Variants in RANBP2 observed in about 807,000 individuals in gnomAD.
RANBP2 encodes the protein E3 SUMO-protein ligase RanBP2.
A neutral mutation model predicts 303.6 loss-of-function variants in RANBP2; 57 were observed. That is an observed-to-expected ratio of 0.19 (90% CI 0.15 to 0.23). RANBP2 has a LOEUF of 0.23. Ranked by LOEUF, RANBP2 falls within the 10% of genes least tolerant of loss-of-function variation. The probability of loss-of-function intolerance (pLI) is 1.00; values close to 1 mark genes in which losing one functional copy is unlikely to be tolerated. For missense variants in RANBP2, 3,138 were observed against 3,780.8 expected, an observed-to-expected ratio of 0.83 and a Z score of 4.46; for synonymous variants, 1,167 against 1,301.5, an observed-to-expected ratio of 0.90 and a Z score of 2.23.
At chr2:109,568,064 G>T in the RANBP2 span, 1 of 1,038,270 alleles carries the variant, frequency 9.6e-7, no homozygotes, top group Non-Finnish European at 1.4e-6. Context: ...TGTTCATTCT[G>T]ACAATGAATT....
At chr2:108,806,807 A>G in the RANBP2 span, among the ~76,000 whole-genome samples, 2 of 152,212 alleles carry the variant, frequency 1.3e-5, no homozygotes, top group Non-Finnish European at 2.9e-5. Flanking sequence ...ACATTTTCTA[A>G]TAATTTAAAA....
the RANBP2 span, among the ~76,000 whole-genome samples, chr2:109,119,662 G>C: frequency 1.3e-5 from 2 of 152,128 alleles, no homozygotes; most frequent in South Asian, 4.1e-4. Context: ...TATTTTCTAA[G>C]ATCTTAAGCC....
At chr2:109,467,819 G>C in the RANBP2 span, among the ~76,000 whole-genome samples, 10 of 152,182 alleles carry the variant, frequency 6.6e-5, no homozygotes, top group African/African-American at 2.4e-4. Context: ...AGGACAGGCT[G>C]CACACGCAGA....
At chr2:108,781,505 G>C in intron 26 of RANBP2, 76 bp downstream of exon 26, 1 of 1,395,328 alleles carries the variant, frequency 7.2e-7, no homozygotes, top group Non-Finnish European at 1.0e-6. Flanking sequence ...TGATCTGTCA[G>C]GGTATAATTG....
At chr2:109,374,023 T>A in the RANBP2 span, among the ~76,000 whole-genome samples, 1 of 152,156 alleles carries the variant, frequency 6.6e-6, no homozygotes, top group Non-Finnish European at 1.5e-5. Context: ...TGTGCCTTCC[T>A]GCAGCATGAC....
the RANBP2 span, among the ~76,000 whole-genome samples, chr2:109,387,867 G>T: frequency 6.6e-6 from 1 of 150,562 alleles, no homozygotes; most frequent in African/African-American, 2.5e-5. Flanking sequence ...TTGGGGGGGG[G>T]GTCTCCTCCC....
chr2:109,350,266 T>C, the RANBP2 span, among the ~76,000 whole-genome samples: 1 of 152,156 alleles, frequency 6.6e-6, no homozygotes, highest in Non-Finnish European at 1.5e-5. Context: ...GAAGGTGACC[T>C]CTTGGTTGAA....
At chr2:109,147,789 G>A in the RANBP2 span, among the ~76,000 whole-genome samples, 4 of 152,152 alleles carry the variant, frequency 2.6e-5, no homozygotes, top group African/African-American at 7.2e-5. Flanking sequence ...AAAATATCCC[G>A]AATTGGAGCC....
At chr2:108,879,552 T>C in the RANBP2 span, among the ~76,000 whole-genome samples, 3 of 152,212 alleles carry the variant, frequency 2.0e-5, no homozygotes, top group Admixed American at 6.5e-5. Flanking sequence ...CATGATTAAG[T>C]AGGGTAACAT....
chr2:108,894,107 A>G, the RANBP2 span, among the ~76,000 whole-genome samples: 4 of 151,916 alleles, frequency 2.6e-5, no homozygotes, highest in South Asian at 8.3e-4. Flanking sequence ...CAGCTGACTG[A>G]CCCCCTACTA....
chr2:109,320,773 A>G, the RANBP2 span, among the ~76,000 whole-genome samples: 6 of 152,242 alleles, frequency 3.9e-5, no homozygotes, highest in Admixed American at 3.3e-4. Context: ...GGGAGAAAAT[A>G]AAACTCGAGG....
At chr2:109,466,851 A>G in the RANBP2 span, among the ~76,000 whole-genome samples, 1 of 152,100 alleles carries the variant, frequency 6.6e-6, no homozygotes, top group Non-Finnish European at 1.5e-5. Context: ...GTGCATGTCT[A>G]TACATGTGCA....
In RANBP2 at chr2:108,763,641, C is replaced by A. The variant is rs759789243; in HGVS notation, c.3102C>A (p.Asn1034Lys). The A allele has an allele frequency of 4.3e-6, 7 of 1,614,008 alleles. No individual in the cohort carries two copies. The highest frequency in any genetic ancestry group is 5.9e-6 in the Non-Finnish European group (7 of 1,180,030). Residue 1034 changes from asparagine (N) to lysine (K), a missense_variant, in exon 20 of 29, where the codon AAC (asparagine) becomes AAA (lysine). Physicochemically the swap from Asn to Lys is moderately conservative, Grantham distance 94 (BLOSUM62 0). Coordinates refer to ENST00000283195, the MANE Select transcript of RANBP2 (RefSeq NM_006267.5). The stretch of plus-strand genomic sequence containing the variant: ...CACAGCCAACTCCTTTTAAATTTAA[C>A]TCAAATTTCAAATCAAATGATGGTG... ...HTTQPTPFKF[N>K]SNFKSNDGDF...
the RANBP2 span, among the ~76,000 whole-genome samples, chr2:109,346,795 G>C: frequency 1.3e-4 from 20 of 152,316 alleles, no homozygotes; most frequent in Middle Eastern, 3.4e-3. Context: ...AACAGGTGCA[G>C]ATGGGTTGGT....
chr2:108,994,248 A>T, the RANBP2 span, among the ~76,000 whole-genome samples: 6 of 152,304 alleles, frequency 3.9e-5, no homozygotes, highest in Non-Finnish European at 7.4e-5. Context: ...ACCTCCATGG[A>T]TGAAGGAAAG....
At chr2:109,262,371 T>C in the RANBP2 span, among the ~76,000 whole-genome samples, 1 of 152,188 alleles carries the variant, frequency 6.6e-6, no homozygotes, top group Non-Finnish European at 1.5e-5. Context: ...GCAGCCATGC[T>C]GATTGCAGGA....
chr2:109,562,379 C>T, the RANBP2 span, among the ~76,000 whole-genome samples: 3 of 151,890 alleles, frequency 2.0e-5, no homozygotes, highest in African/African-American at 7.3e-5. Flanking sequence ...TGCCCCCCTC[C>T]CCCAACTCTC....
the RANBP2 span, among the ~76,000 whole-genome samples, chr2:108,952,752 A>T: frequency 6.6e-6 from 1 of 152,122 alleles, no homozygotes; most frequent in Non-Finnish European, 1.5e-5. Flanking sequence ...ACATTTTCCT[A>T]TTTCTTCGTA....
At chr2:108,950,766 T>A in the RANBP2 span, among the ~76,000 whole-genome samples, 1 of 152,252 alleles carries the variant, frequency 6.6e-6, no homozygotes, top group Admixed American at 6.5e-5. Flanking sequence ...GTGCAAGATA[T>A]TTATCAGAAG....
Sources: allele counts gnomAD v4.1 joint callset (sites outside exome capture counted in the v4.1 genomes callset), GRCh38; gene constraint gnomAD v4.1.1; transcripts MANE v1.5; gene names NCBI Gene and HGNC (gene_info 2026-07-23, HGNC 2026-07-21).